ROR2: variants seen among roughly 807,000 people sequenced by gnomAD.
ROR2 encodes the protein tyrosine-protein kinase transmembrane receptor ROR2.
ROR2 carries 33 observed loss-of-function variants against 74.9 expected under a neutral mutation model. The ratio of observed to expected loss-of-function variants is 0.44; its 90% CI spans 0.33 to 0.59. ROR2 has a LOEUF of 0.59. ROR2 is among the 20% of genes least tolerant of loss of function. The probability of loss-of-function intolerance (pLI) is 0.02; values close to 1 mark genes in which losing one functional copy is unlikely to be tolerated. For synonymous variants in ROR2, 586 were observed against 558.7 expected, an observed-to-expected ratio of 1.05 and a Z score of -0.69; for missense variants, 1,216 against 1,313.8, an observed-to-expected ratio of 0.93 and a Z score of 1.15.
At chr9:91,934,108 C>CG (rs143267816) in intron 1 of ROR2, among the ~76,000 whole-genome samples, 8,074 of 151,940 alleles carry the variant, frequency 0.053, 298 homozygotes, top group South Asian at 0.11. Context: ...TTTATGGATG[C>CG]GGGGGGGCGA....
chr9:91,913,003 C>G (rs564649463), intron 1 of ROR2, among the ~76,000 whole-genome samples: 1 of 152,292 alleles, frequency 6.6e-6, no homozygotes, highest in Non-Finnish European at 1.5e-5. Flanking sequence ...GTGGCACATA[C>G]CTGTAATCCC....
In ROR2 at chr9:91,736,018, T is replaced by C. The variant is rs564116698; in HGVS notation, c.622+1373A>G. Among the ~76,000 whole-genome samples the C allele has an allele frequency of 3.3e-5, 5 of 152,352 alleles. No individual in the cohort carries two copies. The South Asian group carries it at 1.0e-3, about 32-fold the overall frequency. On this transcript the variant is annotated intron_variant, in intron 5 of 8. Transcript: ENST00000375708. ...TGTAACCTATGTCAGTTGTGTGAAA[T>C]ACATGTATGTGTACACTAAGTCATG... is the stretch of plus-strand genomic sequence containing the variant.
At chr9:91,874,939 A>C (rs1374174550) in intron 1 of ROR2, among the ~76,000 whole-genome samples, 1 of 152,136 alleles carries the variant, frequency 6.6e-6, no homozygotes, top group South Asian at 2.1e-4. Context: ...GTCTCAAAAA[A>C]AAAAAAAAGG....
At chr9:91,836,911 C>G (rs11999739) in intron 1 of ROR2, among the ~76,000 whole-genome samples, 18,701 of 152,248 alleles carry the variant, frequency 0.12, 2,539 homozygotes, top group African/African-American at 0.34. Flanking sequence ...ATTCCACTTA[C>G]TAGCTGCAGA....
intron 1 of ROR2, among the ~76,000 whole-genome samples, chr9:91,781,564 C>T (rs1224723080): frequency 6.6e-6 from 1 of 152,268 alleles, no homozygotes; most frequent in Non-Finnish European, 1.5e-5. Flanking sequence ...GAGACTGTTT[C>T]GGGGAATGCT....
Position 91,723,937 on chromosome 9 carries a change from G to C in ROR2, c.2557C>G (p.Pro853Ala). ...GAGCTGGGCTTGGGGACCATCTGAG[G>C]AGGCACCTGCTGCGGGGCCATCTGC... Reference protein sequence around the residue: ...PMQMAPQQVPPQMVPKPSSHH... With the variant: ...PMQMAPQQVPAQMVPKPSSHH... The change falls in exon 9 of 9, where the codon CCT (proline) becomes GCT (alanine). Residue 853 changes from proline (P) to alanine (A), a missense_variant. By Grantham distance (27) the Pro-to-Ala change is conservative. Transcript: ENST00000375708. 1 of 1,613,720 alleles carries C rather than the reference G, an allele frequency of 6.2e-7. No individual in the cohort carries two copies.
At chr9:91,899,282 C>A (rs1047220311) in intron 1 of ROR2, among the ~76,000 whole-genome samples, 3 of 152,218 alleles carry the variant, frequency 2.0e-5, no homozygotes, top group Non-Finnish European at 4.4e-5. Context: ...AGGGCGACTG[C>A]AGACACCAGG....
intron 1 of ROR2, among the ~76,000 whole-genome samples, chr9:91,870,752 T>C (rs1418497838): frequency 6.6e-6 from 1 of 152,244 alleles, no homozygotes; most frequent in Non-Finnish European, 1.5e-5. Context: ...AGCCTGCAAA[T>C]GGCCTCAAGC....
intron 1 of ROR2, among the ~76,000 whole-genome samples, chr9:91,907,674 G>A (rs928415309): frequency 6.6e-6 from 1 of 152,126 alleles, no homozygotes; most frequent in Admixed American, 6.6e-5. Context: ...AAAGGGGGCT[G>A]GCTTCCCAAA....
At chr9:91,810,877 G>A (rs1016916557) in intron 1 of ROR2, among the ~76,000 whole-genome samples, 4 of 152,214 alleles carry the variant, frequency 2.6e-5, no homozygotes, top group Admixed American at 1.3e-4. Flanking sequence ...GGGAGACATC[G>A]GCACTCTCAT....
chr9:91,890,009 T>G (rs976310894), intron 1 of ROR2, among the ~76,000 whole-genome samples: 4 of 152,150 alleles, frequency 2.6e-5, no homozygotes, highest in Non-Finnish European at 4.4e-5. Flanking sequence ...TCCAGGGCTT[T>G]TTCTCCCACA....
At chr9:91,818,725 G>GT (rs1828030193) in intron 1 of ROR2, among the ~76,000 whole-genome samples, 1 of 152,178 alleles carries the variant, frequency 6.6e-6, no homozygotes, top group South Asian at 2.1e-4. Flanking sequence ...GGGCTCAGGG[G>GT]GTCTTAGCGA....
chr9:91,866,231 T>C (rs1255899331), intron 1 of ROR2, among the ~76,000 whole-genome samples: 2 of 152,080 alleles, frequency 1.3e-5, no homozygotes, highest in Non-Finnish European at 2.9e-5. Context: ...GTGATTCTCC[T>C]GCCTCAGTCT....
intron 1 of ROR2, among the ~76,000 whole-genome samples, chr9:91,776,063 G>A (rs1826412157): frequency 6.6e-6 from 1 of 152,200 alleles, no homozygotes; most frequent in Non-Finnish European, 1.5e-5. Context: ...TGCAACACAG[G>A]TATGGAAATA....
chr9:91,918,285 T>A (rs115328899), intron 1 of ROR2, among the ~76,000 whole-genome samples: 2,579 of 149,118 alleles, frequency 0.017, 84 homozygotes, highest in African/African-American at 0.06. Context: ...AAAAAGAAGT[T>A]GTTGAAGGGC....
chr9:91,847,322 C>T (rs1185490995), intron 1 of ROR2, among the ~76,000 whole-genome samples: 3 of 152,194 alleles, frequency 2.0e-5, no homozygotes, highest in Non-Finnish European at 4.4e-5. Flanking sequence ...CTGGACCCCT[C>T]ATTAGGCCTC....
At position 91,723,102 on chromosome 9, in the gene ROR2, C is replaced by T. The variant is rs890786134; in HGVS notation, c.*560G>A. On this transcript the variant is annotated 3_prime_UTR_variant, in exon 9 of 9. Coordinates refer to ENST00000375708, the MANE Select transcript of ROR2 (RefSeq NM_004560.4). ...TCCCATTTCAGAAGCCCCTTGTCTT[C>T]CGACCCCAACAGGCAGCAGAGGGCA... 4 of 160,656 alleles carry T rather than the reference C, an allele frequency of 2.5e-5. No individual in the cohort carries two copies. The highest frequency in any genetic ancestry group is 5.5e-5 in the Non-Finnish European group (4 of 72,800). The allele number at this position is 160,656 out of a possible 1,614,324, so 10.0% of individuals were successfully genotyped here.
chr9:91,847,168 G>T (rs1161535176), intron 1 of ROR2, among the ~76,000 whole-genome samples: 3 of 152,154 alleles, frequency 2.0e-5, no homozygotes, highest in Admixed American at 1.3e-4. Context: ...AGATTCAACA[G>T]AGAAATGAAA....
At chr9:91,756,049 C>CTTGGGGAAA (rs773588894) in intron 4 of ROR2, 22 bp downstream of exon 4, 1 of 1,613,198 alleles carries the variant, frequency 6.2e-7, no homozygotes, top group Non-Finnish European at 8.5e-7. Flanking sequence ...CAGAACACGG[C>CTTGGGGAAA]TTGGGGAAAA....
Sources: allele counts gnomAD v4.1 joint callset (sites outside exome capture counted in the v4.1 genomes callset), GRCh38; gene constraint gnomAD v4.1.1; transcripts MANE v1.5; gene names NCBI Gene and HGNC (gene_info 2026-07-23, HGNC 2026-07-21).